The following ASTN2 variants were observed in gnomAD, a reference collection of about 807,000 sequenced individuals.
ASTN2 encodes astrotactin-2.
In ASTN2, 54 loss-of-function variants were observed where a neutral mutation model predicts 139.8. The ratio of observed to expected loss-of-function variants is 0.39; its 90% CI spans 0.31 to 0.48. ASTN2 has a LOEUF of 0.48. Among genes scored for constraint, ASTN2 ranks in the 20% least tolerant of loss-of-function variants. ASTN2 has a pLI of 0.95. For missense variants in ASTN2, 1,565 were observed against 1,725.1 expected, an observed-to-expected ratio of 0.91 and a Z score of 1.64; for synonymous variants, 756 against 719.5, an observed-to-expected ratio of 1.05 and a Z score of -0.81.
At chr9:117,367,360 G>C (rs977918807) in intron 1 of ASTN2, among the ~76,000 whole-genome samples, 2 of 152,196 alleles carry the variant, frequency 1.3e-5, no homozygotes, top group Non-Finnish European at 2.9e-5. Context: ...GAGCTATGGA[G>C]CAACAGCCAG....
chr9:117,282,865 GA>G (rs1359927643), intron 2 of ASTN2, among the ~76,000 whole-genome samples: 1 of 135,172 alleles, frequency 7.4e-6, no homozygotes, highest in Non-Finnish European at 1.5e-5. Context: ...CTATGATTTA[GA>G]GTGGTCTGTT....
intron 2 of ASTN2, among the ~76,000 whole-genome samples, chr9:117,242,634 C>A (rs187232387): frequency 1.1e-3 from 160 of 152,312 alleles, no homozygotes; most frequent in Non-Finnish European, 1.5e-5. Flanking sequence ...GCCACTGCTA[C>A]CAGTCTATTC....
rs142942202 is a variant in ASTN2 at position 116,605,517 on chromosome 9, G to A, written c.3355+12807C>T. Among the ~76,000 whole-genome samples the A allele has an allele frequency of 2.8e-3, 421 of 152,290 alleles. 3 individuals are homozygous for A. The highest frequency in any genetic ancestry group is 9.2e-3 in the African/African-American group (383 of 41,564). ...GAGAATATCACCAGACAGAAAAACA[G>A]GAGATTATGATGCTAGGTGTGACCT... is the stretch of plus-strand genomic sequence containing the variant. On this transcript the variant is annotated intron_variant, in intron 19 of 22. Transcript: ENST00000313400.
At chr9:117,196,406 T>A (rs1309037730) in intron 3 of ASTN2, among the ~76,000 whole-genome samples, 1 of 152,192 alleles carries the variant, frequency 6.6e-6, no homozygotes, top group Non-Finnish European at 1.5e-5. Flanking sequence ...TGAGGTAATG[T>A]ACAGGACAGC....
chr9:116,866,407 T>C (rs1833014485), intron 10 of ASTN2, among the ~76,000 whole-genome samples: 1 of 152,200 alleles, frequency 6.6e-6, no homozygotes, highest in South Asian at 2.1e-4. Flanking sequence ...GCTACAGGAT[T>C]ATCCCTTGCT....
chr9:116,571,618 C>A (rs1853519363), intron 19 of ASTN2, among the ~76,000 whole-genome samples: 1 of 152,144 alleles, frequency 6.6e-6, no homozygotes, highest in African/African-American at 2.4e-5. Context: ...GTATGTATAT[C>A]TTTACAGTAT....
chr9:116,624,466 T>C (rs1186491316), intron 17 of ASTN2, among the ~76,000 whole-genome samples: 1 of 152,192 alleles, frequency 6.6e-6, no homozygotes, highest in East Asian at 1.9e-4. Flanking sequence ...GTTCAAATGC[T>C]ATGAAGTAAT....
chr9:116,890,951 T>C (rs1338849472), intron 10 of ASTN2, among the ~76,000 whole-genome samples: 3 of 152,120 alleles, frequency 2.0e-5, no homozygotes. Flanking sequence ...AAGGTTAGCA[T>C]AGGAAGAATT....
At chr9:116,536,224 T>C (rs1053101251) in intron 19 of ASTN2, among the ~76,000 whole-genome samples, 4 of 151,972 alleles carry the variant, frequency 2.6e-5, no homozygotes, top group Non-Finnish European at 5.9e-5. Context: ...TTTAAGGACT[T>C]CTCTGCATTG....
At chr9:117,331,235 G>A (rs941871120) in intron 1 of ASTN2, among the ~76,000 whole-genome samples, 2 of 152,192 alleles carry the variant, frequency 1.3e-5, no homozygotes, top group South Asian at 2.1e-4. Flanking sequence ...CAGAATGGGG[G>A]AACCTGAGCT....
intron 3 of ASTN2, among the ~76,000 whole-genome samples, chr9:117,145,444 C>T (rs1461877604): frequency 2.0e-5 from 3 of 152,192 alleles, no homozygotes; most frequent in African/African-American, 4.8e-5. Context: ...GGGTTTGGCC[C>T]GTGGGATGCC....
At chr9:116,724,436 G>T (rs1828560669) in intron 16 of ASTN2, among the ~76,000 whole-genome samples, 1 of 152,150 alleles carries the variant, frequency 6.6e-6, no homozygotes, top group African/African-American at 2.4e-5. Flanking sequence ...AGCCCCCAGG[G>T]ACAAAAGGGA....
At chr9:116,656,321 A>G (rs530471033) in intron 16 of ASTN2, among the ~76,000 whole-genome samples, 1 of 152,326 alleles carries the variant, frequency 6.6e-6, no homozygotes, top group African/African-American at 2.4e-5. Context: ...TCAACATACA[A>G]CTTCTTCCCA....
chr9:117,288,692 T>C (rs77477911), intron 2 of ASTN2, among the ~76,000 whole-genome samples: 1,718 of 152,294 alleles, frequency 0.011, 34 homozygotes, highest in African/African-American at 0.039. Context: ...ACTCTTTTTG[T>C]TCTTGCTGCA....
At chr9:116,876,766 A>C (rs1037417373) in intron 10 of ASTN2, among the ~76,000 whole-genome samples, 3 of 152,208 alleles carry the variant, frequency 2.0e-5, no homozygotes, top group Non-Finnish European at 4.4e-5. Flanking sequence ...TTTCTTAATT[A>C]AGGTATGTAC....
intron 19 of ASTN2, chr9:116,583,826 A>G (rs983386378): frequency 1.3e-5 from 2 of 152,164 alleles, no homozygotes; most frequent in African/African-American, 4.8e-5. Flanking sequence ...TCTGTTGTAC[A>G]TGAATTTACA....
At chr9:116,978,456 C>A in intron 7 of ASTN2, among the ~76,000 whole-genome samples, 1 of 151,066 alleles carries the variant, frequency 6.6e-6, no homozygotes, top group African/African-American at 2.4e-5. Context: ...CTCTCTGTAT[C>A]TCTCTCTGTA....
intron 4 of ASTN2, among the ~76,000 whole-genome samples, chr9:117,105,024 T>A (rs2132772063): frequency 6.6e-6 from 1 of 152,238 alleles, no homozygotes; most frequent in Admixed American, 6.5e-5. Context: ...CTTTGTCTTC[T>A]TGAACATCCC....
intron 11 of ASTN2, among the ~76,000 whole-genome samples, chr9:116,846,067 C>G (rs1353920506): frequency 6.6e-6 from 1 of 152,058 alleles, no homozygotes; most frequent in African/African-American, 2.4e-5. Context: ...ATGGATGAAC[C>G]CTGAGGACAT....
Sources: allele counts gnomAD v4.1 joint callset (sites outside exome capture counted in the v4.1 genomes callset), GRCh38; gene constraint gnomAD v4.1.1; transcripts MANE v1.5; gene names NCBI Gene and HGNC (gene_info 2026-07-23, HGNC 2026-07-21).